The following UNC13C variants were observed in gnomAD, a reference collection of about 807,000 sequenced individuals.
UNC13C encodes the protein protein unc-13 homolog C.
Under a neutral mutation model 245.4 loss-of-function variants are expected in UNC13C, and 174 were observed. The observed-to-expected ratio is 0.71, with a 90% CI of 0.63 to 0.80. The LOEUF (loss-of-function observed/expected upper bound fraction) is 0.80. UNC13C is among the 30% of genes least tolerant of loss of function. The pLI, the probability that UNC13C is intolerant of heterozygous loss-of-function variation, is 0.00. For synonymous variants in UNC13C, 992 were observed against 895.1 expected, an observed-to-expected ratio of 1.11 and a Z score of -1.93; for missense variants, 2,829 against 2,602.9, an observed-to-expected ratio of 1.09 and a Z score of -1.89.
At chr15:53,878,354 A>G in the UNC13C span, among the ~76,000 whole-genome samples, 3 of 152,182 alleles carry the variant, frequency 2.0e-5, no homozygotes, top group Admixed American at 2.0e-4. Flanking sequence ...ATTTTTATAC[A>G]CAACATTTTC....
intron 2 of UNC13C, among the ~76,000 whole-genome samples, chr15:54,054,455 G>T (rs1387289820): frequency 6.6e-6 from 1 of 152,124 alleles, no homozygotes; most frequent in East Asian, 1.9e-4. Context: ...CCTGCTAACA[G>T]AATTTTGTGA....
At chr15:54,117,343 C>T (rs2030324858) in intron 2 of UNC13C, among the ~76,000 whole-genome samples, 1 of 151,920 alleles carries the variant, frequency 6.6e-6, no homozygotes. Flanking sequence ...CACAAAAATC[C>T]TTTGCCCAGT....
intron 32 of UNC13C, 71 bp downstream of exon 32, chr15:54,624,025 T>C (rs1422019428): frequency 1.3e-6 from 2 of 1,582,728 alleles, no homozygotes; most frequent in Admixed American, 3.5e-5. Context: ...ACTGAGGGAT[T>C]TGGAGTGTGA....
chr15:54,034,474 T>G (rs1204854768), intron 2 of UNC13C, among the ~76,000 whole-genome samples: 1 of 152,220 alleles, frequency 6.6e-6, no homozygotes, highest in African/African-American at 2.4e-5. Flanking sequence ...TAACTCTGTT[T>G]TCTTCAGGCA....
At chr15:54,506,280 C>T (rs1280548513) in intron 22 of UNC13C, among the ~76,000 whole-genome samples, 1 of 152,078 alleles carries the variant, frequency 6.6e-6, no homozygotes, top group Non-Finnish European at 1.5e-5. Flanking sequence ...TTTATAATGT[C>T]ATCAAGAAGC....
intron 19 of UNC13C, among the ~76,000 whole-genome samples, chr15:54,455,945 G>A (rs1891497611): frequency 2.0e-5 from 3 of 151,918 alleles, no homozygotes; most frequent in South Asian, 2.1e-4. Flanking sequence ...CTCTTTGTTC[G>A]TCATTGTCTC....
At chr15:53,946,493 G>A in the UNC13C span, among the ~76,000 whole-genome samples, 2 of 145,692 alleles carry the variant, frequency 1.4e-5, no homozygotes, top group African/African-American at 5.1e-5. Context: ...TGTCACCCAT[G>A]CTGGATCACC....
chr15:54,618,713 A>G (rs916631318), intron 30 of UNC13C, among the ~76,000 whole-genome samples: 4 of 152,166 alleles, frequency 2.6e-5, no homozygotes, highest in African/African-American at 7.2e-5. Context: ...ACACACATGT[A>G]ACTCACATGT....
chr15:54,555,032 ATCAG>A (rs1897031160), intron 28 of UNC13C, among the ~76,000 whole-genome samples: 1 of 152,040 alleles, frequency 6.6e-6, no homozygotes, highest in African/African-American at 2.4e-5. Context: ...AATAGACTTT[ATCAG>A]TAATAATTGG....
intron 2 of UNC13C, among the ~76,000 whole-genome samples, chr15:54,109,793 G>A (rs1900672836): frequency 6.6e-6 from 1 of 152,026 alleles, no homozygotes; most frequent in Non-Finnish European, 1.5e-5. Flanking sequence ...TGCTGGGGTA[G>A]GGATGGAGAT....
chr15:54,600,894 G>T (rs1452048657), intron 30 of UNC13C, among the ~76,000 whole-genome samples: 1 of 151,998 alleles, frequency 6.6e-6, no homozygotes, highest in Non-Finnish European at 1.5e-5. Flanking sequence ...ATGCATGGGT[G>T]TCCAATCTTT....
intron 24 of UNC13C, among the ~76,000 whole-genome samples, chr15:54,524,728 C>T (rs2141137144): frequency 6.6e-6 from 1 of 152,258 alleles, no homozygotes; most frequent in Non-Finnish European, 1.5e-5. Flanking sequence ...CTTACTTATA[C>T]TAAGTCATGC....
intron 7 of UNC13C, among the ~76,000 whole-genome samples, chr15:54,239,209 G>A (rs62010030): frequency 0.12 from 17,964 of 152,078 alleles, 1,324 homozygotes; most frequent in Middle Eastern, 0.17. Context: ...CCATTTTTAT[G>A]TCTATATTTC....
At chr15:54,147,368 C>T (rs1323889980) in intron 4 of UNC13C, among the ~76,000 whole-genome samples, 1 of 151,978 alleles carries the variant, frequency 6.6e-6, no homozygotes, top group Non-Finnish European at 1.5e-5. Context: ...TACAGGCGCC[C>T]TCCACCACGC....
At chr15:54,392,187 G>C (rs1343278978) in intron 17 of UNC13C, among the ~76,000 whole-genome samples, 1 of 151,974 alleles carries the variant, frequency 6.6e-6, no homozygotes, top group Non-Finnish European at 1.5e-5. Context: ...TGCTCTAAGA[G>C]GAACACCCAC....
upstream of UNC13C, among the ~76,000 whole-genome samples, chr15:53,975,456 T>A (rs899773894): frequency 6.6e-6 from 1 of 152,150 alleles, no homozygotes; most frequent in African/African-American, 2.4e-5. Context: ...TTAAAAAATA[T>A]AATAGTGAGG....
At chr15:53,881,757 T>G in the UNC13C span, among the ~76,000 whole-genome samples, 207 of 152,356 alleles carry the variant, frequency 1.4e-3, no homozygotes, top group Middle Eastern at 0.01. Flanking sequence ...AGGGCTCATG[T>G]TCTCAAAAGT....
intron 1 of UNC13C, among the ~76,000 whole-genome samples, chr15:54,009,748 A>G (rs930208182): frequency 2.0e-5 from 3 of 151,976 alleles, no homozygotes; most frequent in African/African-American, 7.2e-5. Context: ...GATTTCACCA[A>G]CTTGGCCAGG....
intron 19 of UNC13C, among the ~76,000 whole-genome samples, chr15:54,451,436 C>G (rs1891171378): frequency 6.6e-6 from 1 of 151,576 alleles, no homozygotes. Context: ...TTATGCTGTC[C>G]CATATGTCAT....
Sources: allele counts gnomAD v4.1 joint callset (sites outside exome capture counted in the v4.1 genomes callset), GRCh38; gene constraint gnomAD v4.1.1; transcripts MANE v1.5; gene names NCBI Gene and HGNC (gene_info 2026-07-23, HGNC 2026-07-21).